ATP9A: variants seen among roughly 807,000 people sequenced by gnomAD.
The protein encoded by ATP9A is probable phospholipid-transporting ATPase IIA.
Under a neutral mutation model 144.1 loss-of-function variants are expected in ATP9A, and 52 were observed. The ratio of observed to expected loss-of-function variants is 0.36; its 90% CI spans 0.29 to 0.45. ATP9A has a LOEUF of 0.45. Among genes scored for constraint, ATP9A ranks in the 20% least tolerant of loss-of-function variants. The pLI, the probability that ATP9A is intolerant of heterozygous loss-of-function variation, is 1.00. For missense variants in ATP9A, 947 were observed against 1,392.7 expected (o/e 0.68, Z 5.09); for synonymous variants, 582 against 557.4 (o/e 1.04, Z -0.62).
intron 1 of ATP9A, chr20:51,734,931 C>A: frequency 4.7e-6 from 1 of 212,288 alleles, no homozygotes; most frequent in South Asian, 8.2e-5. Context: ...GACGCATGCT[C>A]ATGCCCGCAC....
In ATP9A at chr20:51,618,736, C is replaced by T. The variant is rs2077213666; in HGVS notation, c.2276G>A (p.Arg759Gln). ...ACQCPAVVCC[R>Q]CAPTQKAQIV... is the part of the protein sequence containing the mutation. ...CTGGGCCTTCTGGGTGGGGGCACAT[C>T]GGCAGCAGACTACGGCCGGGCACTG... is the stretch of plus-strand genomic sequence containing the variant. Residue 759 changes from arginine (R) to glutamine (Q), a missense_variant, in exon 21 of 28, where the codon CGA becomes CAA. Physicochemically the swap from Arg to Gln is conservative, Grantham distance 43. Coordinates refer to ENST00000338821, the MANE Select transcript of ATP9A (RefSeq NM_006045.3). 8.7e-6 allele frequency: 14 copies of T among 1,611,832 alleles called. No individual in the cohort carries two copies. The highest frequency in any genetic ancestry group is 1.2e-5 in the Non-Finnish European group (14 of 1,179,126).
chr20:51,743,692 C>G (rs1199506714), intron 1 of ATP9A, among the ~76,000 whole-genome samples: 14 of 142,560 alleles, frequency 9.8e-5, no homozygotes, highest in Admixed American at 9.0e-4. Flanking sequence ...CATGAGCCAC[C>G]GTGCCCAGCC....
intron 23 of ATP9A, among the ~76,000 whole-genome samples, chr20:51,613,419 C>G (rs900361443): frequency 1.3e-5 from 2 of 152,204 alleles, no homozygotes; most frequent in East Asian, 1.9e-4. Context: ...CAGGAATGAC[C>G]AGCACCGCTT....
At chr20:51,704,383 TG>T (rs1391362674) in intron 4 of ATP9A, among the ~76,000 whole-genome samples, 17 of 135,410 alleles carry the variant, frequency 1.3e-4, no homozygotes, top group African/African-American at 4.8e-4. Context: ...GGTGTTTTGT[TG>T]TTTTTTTTTT....
At chr20:51,732,936 A>G (rs2077748335) in intron 1 of ATP9A, among the ~76,000 whole-genome samples, 2 of 151,884 alleles carry the variant, frequency 1.3e-5, no homozygotes, top group African/African-American at 2.4e-5. Flanking sequence ...CTCCTCTAAG[A>G]GCCAGTAATT....
intron 15 of ATP9A, among the ~76,000 whole-genome samples, chr20:51,638,071 T>TATA (rs58144454): frequency 0.012 from 418 of 34,170 alleles, 67 homozygotes; most frequent in East Asian, 0.023. Context: ...TTTCATCATT[T>TATA]TATATATATA....
rs544704253 is a variant in ATP9A at position 51,746,598 on chromosome 20, G to A, written c.69-16620C>T. On this transcript the variant is annotated intron_variant, in intron 1 of 27. Transcript: ENST00000338821. ...CTCACGCCTGTAATCCCAACATTTT[G>A]GGAGGCCAAGACAGGCAGATCACGA... Among the ~76,000 whole-genome samples, 22 of 152,326 alleles carry A rather than the reference G, an allele frequency of 1.4e-4. No individual in the cohort carries two copies. The East Asian group carries it at 3.9e-3, about 27-fold the overall frequency.
At chr20:51,686,219 C>A (rs201866764) in intron 9 of ATP9A, among the ~76,000 whole-genome samples, 1 of 151,560 alleles carries the variant, frequency 6.6e-6, no homozygotes, top group Non-Finnish European at 1.5e-5. Context: ...CCTGTCGTGG[C>A]GTGGGGGAGT....
chr20:51,676,335 C>T, intron 9 of ATP9A, 127 bp from the exon 10 acceptor site: 1 of 675,586 alleles, frequency 1.5e-6, no homozygotes, highest in Non-Finnish European at 2.4e-6. Flanking sequence ...CAGAGTCTTG[C>T]TCTGTTGCTC....
chr20:51,681,423 A>ATTTTTT (rs1221909662), intron 9 of ATP9A, among the ~76,000 whole-genome samples: 1 of 97,622 alleles, frequency 1.0e-5, no homozygotes, highest in African/African-American at 4.6e-5. Context: ...CCCATCCTAA[A>ATTTTTT]TTTCTTTTTT....
chr20:51,762,277 G>C (rs989706419), intron 1 of ATP9A, among the ~76,000 whole-genome samples: 1 of 152,090 alleles, frequency 6.6e-6, no homozygotes, highest in Non-Finnish European at 1.5e-5. Context: ...AAGGTGAGCG[G>C]ATCATGAGGT....
intron 17 of ATP9A, among the ~76,000 whole-genome samples, chr20:51,625,583 C>A (rs1349113761): frequency 2.0e-5 from 3 of 152,318 alleles, no homozygotes; most frequent in African/African-American, 7.2e-5. Context: ...ACACTCCACA[C>A]TCACCTGCTG....
intron 22 of ATP9A, among the ~76,000 whole-genome samples, chr20:51,616,313 AAC>A (rs2077202751): frequency 6.6e-6 from 1 of 151,428 alleles, no homozygotes; most frequent in South Asian, 2.1e-4. Context: ...CTATACTTCA[AAC>A]ACACTTCTTT....
chr20:51,765,923 C>T (rs1183593572), intron 1 of ATP9A, among the ~76,000 whole-genome samples: 5 of 152,038 alleles, frequency 3.3e-5, no homozygotes, highest in African/African-American at 1.2e-4. Flanking sequence ...AGGCATTGCA[C>T]TCCAGGCAAC....
intron 14 of ATP9A, among the ~76,000 whole-genome samples, chr20:51,647,483 G>A (rs534007443): frequency 2.8e-4 from 43 of 152,096 alleles, no homozygotes; most frequent in Non-Finnish European, 5.0e-4. Context: ...CCCGGGAGGC[G>A]GAGGTTGCAG....
At chr20:51,710,556 C>T (rs1030524871) in intron 4 of ATP9A, among the ~76,000 whole-genome samples, 6 of 152,180 alleles carry the variant, frequency 3.9e-5, no homozygotes, top group African/African-American at 1.4e-4. Context: ...CTAAACTCGC[C>T]TCGATCACTT....
At chr20:51,740,443 C>T (rs1012563506) in intron 1 of ATP9A, among the ~76,000 whole-genome samples, 6 of 95,042 alleles carry the variant, frequency 6.3e-5, no homozygotes, top group Non-Finnish European at 1.1e-4. Context: ...GGCGCGGTGG[C>T]TCACACCTGT....
chr20:51,704,613 T>C (rs867203394), intron 4 of ATP9A, among the ~76,000 whole-genome samples: 3 of 152,058 alleles, frequency 2.0e-5, no homozygotes, highest in Non-Finnish European at 4.4e-5. Context: ...AAACACCGTC[T>C]CTACTAAAAA....
chr20:51,657,111 T>C lies in ATP9A; in HGVS notation c.1333A>G (p.Thr445Ala). ...CTCATGGTCCGCCGGACCTTAGTGG[T>C]GAGCGTTGGGCCCTTCTGAGCCGGT... ...DPPAQKGPTL[T>A]TKVRRTMSSR... Residue 445 changes from threonine (T) to alanine (A), a missense_variant, in exon 14 of 28, where the codon ACC (threonine) becomes GCC (alanine). Transcript: ENST00000338821. The C allele has an allele frequency of 6.2e-7, 1 of 1,614,084 alleles. No homozygotes were observed. The highest frequency in any genetic ancestry group is 8.5e-7 in the Non-Finnish European group (1 of 1,180,002).
Sources: allele counts gnomAD v4.1 joint callset (sites outside exome capture counted in the v4.1 genomes callset), GRCh38; gene constraint gnomAD v4.1.1; transcripts MANE v1.5; gene names NCBI Gene and HGNC (gene_info 2026-07-23, HGNC 2026-07-21).